Variants in BCAS1 observed in about 807,000 individuals in gnomAD.
BCAS1 encodes the protein breast carcinoma-amplified sequence 1.
A neutral mutation model predicts 65.4 loss-of-function variants in BCAS1; 46 were observed. The observed-to-expected ratio is 0.70, with a 90% CI of 0.55 to 0.90. The LOEUF (loss-of-function observed/expected upper bound fraction) is 0.90. Ranked by LOEUF, BCAS1 falls within the 40% of genes least tolerant of loss-of-function variation. BCAS1 has a pLI of 0.00. For synonymous variants in BCAS1, 298 were observed against 293.5 expected, an observed-to-expected ratio of 1.02 and a Z score of -0.16; for missense variants, 793 against 771.2, an observed-to-expected ratio of 1.03 and a Z score of -0.33.
intron 4 of BCAS1, among the ~76,000 whole-genome samples, chr20:54,017,305 T>C (rs2091459045): frequency 6.6e-6 from 1 of 152,138 alleles, no homozygotes; most frequent in Admixed American, 6.5e-5. Context: ...TGTTTCCCTT[T>C]TGGCAGCAGG....
chr20:54,020,793 C>A (rs560317185), intron 4 of BCAS1, among the ~76,000 whole-genome samples: 1 of 152,306 alleles, frequency 6.6e-6, no homozygotes, highest in African/African-American at 2.4e-5. Flanking sequence ...GGGTCAAAAC[C>A]AGCAGTAAAC....
At position 53,953,700 on chromosome 20, in the gene BCAS1, A is replaced by G. The variant is rs1308118629; in HGVS notation, c.1552-5T>C. The G allele has an allele frequency of 6.2e-7, 1 of 1,605,810 alleles. No homozygotes were observed. The highest frequency in any genetic ancestry group is 8.5e-7 in the Non-Finnish European group (1 of 1,174,688). ...CTTTTCTGTGGAGTCTGATGTCTAC[A>G]GCAATTTCAAACAAAGTACATTTTT... On this transcript the variant is annotated splice_polypyrimidine_tract_variant and splice_region_variant and intron_variant, in intron 11 of 12. Coordinates refer to ENST00000688948, the MANE Select transcript of BCAS1 (RefSeq NM_001366298.2).
chr20:53,947,467 G>A (rs766325993), intron 12 of BCAS1, among the ~76,000 whole-genome samples: 9 of 152,126 alleles, frequency 5.9e-5, no homozygotes, highest in Non-Finnish European at 1.3e-4. Flanking sequence ...TGGGTTTGGG[G>A]ATGCTCCATC....
intron 1 of BCAS1, among the ~76,000 whole-genome samples, chr20:54,063,344 G>C (rs867606151): frequency 2.2e-4 from 33 of 152,164 alleles, no homozygotes; most frequent in African/African-American, 7.7e-4. Context: ...TATAAGCAAA[G>C]TGCCCTGAAC....
At chr20:53,983,148 C>A (rs1484549683) in intron 8 of BCAS1, among the ~76,000 whole-genome samples, 1 of 152,164 alleles carries the variant, frequency 6.6e-6, no homozygotes, top group East Asian at 1.9e-4. Context: ...ACCACTGTAT[C>A]TCTTGTAGAT....
At position 54,033,181 on chromosome 20, in the gene BCAS1, C is replaced by A. The variant is rs180754490; in HGVS notation, c.143-4209G>T. ...AAGAGGGAAATTTATAGCACTAAAT[C>A]CCACATCAAAAAGTTAGAAAGAGCT... On this transcript the variant is annotated intron_variant, in intron 3 of 12. Coordinates refer to ENST00000688948, the MANE Select transcript of BCAS1 (RefSeq NM_001366298.2). Among the ~76,000 whole-genome samples the A allele has an allele frequency of 4.4e-4, 66 of 151,016 alleles. 3 individuals carry two copies. Among genetic ancestry groups the A allele is most frequent in the Non-Finnish European group, 6.8e-4 (46 of 67,450 alleles).
chr20:54,048,919 C>G (rs1368210241), intron 3 of BCAS1, among the ~76,000 whole-genome samples: 4 of 152,198 alleles, frequency 2.6e-5, no homozygotes, highest in Admixed American at 1.3e-4. Context: ...GGCAAGCGTC[C>G]TGCTCTCAGG....
At chr20:53,994,907 A>ACACACACACACACACACACACG in intron 6 of BCAS1, 105 bp downstream of exon 6, 1 of 891,872 alleles carries the variant, frequency 1.1e-6, no homozygotes, top group East Asian at 2.5e-5. Context: ...ACACACACAC[A>ACACACACACACACACACACACG]CACACACACA....
At chr20:53,980,090 T>C (rs1423871089) in intron 8 of BCAS1, among the ~76,000 whole-genome samples, 1 of 152,194 alleles carries the variant, frequency 6.6e-6, no homozygotes, top group Non-Finnish European at 1.5e-5. Flanking sequence ...AGTTAAAATC[T>C]TGATGACCCA....
At chr20:53,958,394 C>T (rs1007285181) in intron 10 of BCAS1, among the ~76,000 whole-genome samples, 3 of 152,204 alleles carry the variant, frequency 2.0e-5, no homozygotes, top group African/African-American at 7.2e-5. Context: ...TTGATCACTG[C>T]TTAATGTCTC....
intron 9 of BCAS1, among the ~76,000 whole-genome samples, chr20:53,972,168 G>A (rs1319560783): frequency 6.6e-6 from 1 of 152,148 alleles, no homozygotes; most frequent in Non-Finnish European, 1.5e-5. Context: ...GCCAGAAGTC[G>A]TTATTTAAAG....
intron 1 of BCAS1, among the ~76,000 whole-genome samples, chr20:54,062,972 T>G (rs2092393807): frequency 6.6e-6 from 1 of 152,230 alleles, no homozygotes; most frequent in Non-Finnish European, 1.5e-5. Context: ...CAGAAATGAA[T>G]TCAGCCTACA....
At chr20:54,048,925 T>G (rs1014472810) in intron 3 of BCAS1, among the ~76,000 whole-genome samples, 20 of 152,232 alleles carry the variant, frequency 1.3e-4, no homozygotes, top group Non-Finnish European at 2.5e-4. Context: ...CGTCCTGCTC[T>G]CAGGGACTTT....
At position 53,976,602 on chromosome 20, in the gene BCAS1, A is replaced by G. The variant is rs569647065; in HGVS notation, c.1276-1172T>C. Among the ~76,000 whole-genome samples, 11 of 152,360 alleles carry G rather than the reference A, an allele frequency of 7.2e-5. No individual in the cohort carries two copies. In the South Asian group the frequency reaches 2.3e-3, roughly 32 times the overall value. On this transcript the variant is annotated intron_variant, in intron 8 of 12. Transcript: ENST00000688948. ...AATAGAAGTTCAGAGAGGTGAAGCC[A>G]CTTGTTCCAGTTAAACAGCTAGAAA...
chr20:53,975,453 G>A (rs1003974281), intron 8 of BCAS1, 23 bp from the exon 9 acceptor site: 1 of 1,608,020 alleles, frequency 6.2e-7, no homozygotes. Flanking sequence ...AAAAACAAAA[G>A]TGAGAGTTAA....
intron 3 of BCAS1, among the ~76,000 whole-genome samples, chr20:54,041,897 C>G (rs2092001394): frequency 1.6e-5 from 1 of 64,156 alleles, no homozygotes; most frequent in South Asian, 7.5e-4. Context: ...CAGAGTGAGA[C>G]TCTGTCTCCC....
intron 11 of BCAS1, among the ~76,000 whole-genome samples, chr20:53,955,909 G>C (rs2089683439): frequency 6.6e-6 from 1 of 152,022 alleles, no homozygotes; most frequent in Non-Finnish European, 1.5e-5. Context: ...ATTTAAGCTT[G>C]TCTTAAAAGC....
In BCAS1 at chr20:53,944,756, T is replaced by C; in HGVS notation, c.*166A>G. 1 of 701,100 alleles carries C rather than the reference T, an allele frequency of 1.4e-6. No homozygotes were observed. Among genetic ancestry groups the C allele is most frequent in the Non-Finnish European group, 2.5e-6 (1 of 393,560 alleles). The allele number at this position is 701,100 out of a possible 1,614,324, so 43.4% of individuals were successfully genotyped here. A position where few individuals can be genotyped will look rare whatever the true frequency, so the allele number is the denominator to read the frequency against. On this transcript the variant is annotated 3_prime_UTR_variant, in exon 13 of 13. Coordinates refer to ENST00000688948, the MANE Select transcript of BCAS1 (RefSeq NM_001366298.2). ...GCCAGAAAAGACTGGACCAGAGACG[T>C]AAATAATACACCTCAATATACAACA... is the stretch of plus-strand genomic sequence containing the variant.
intron 3 of BCAS1, among the ~76,000 whole-genome samples, chr20:54,030,693 G>C (rs1002249692): frequency 2.6e-4 from 40 of 151,324 alleles, no homozygotes; most frequent in African/African-American, 8.4e-4. Flanking sequence ...AAACAAAAAA[G>C]GGGGGAGAGT....
Sources: allele counts gnomAD v4.1 joint callset (sites outside exome capture counted in the v4.1 genomes callset), GRCh38; gene constraint gnomAD v4.1.1; transcripts MANE v1.5; gene names NCBI Gene and HGNC (gene_info 2026-07-23, HGNC 2026-07-21).